Variants in TOPBP1 observed in about 807,000 individuals in gnomAD.
TOPBP1 encodes DNA topoisomerase II binding protein 1, also known as DNA topoisomerase 2-binding protein 1.
Under a neutral mutation model 167.7 loss-of-function variants are expected in TOPBP1, and 28 were observed. The observed-to-expected ratio is 0.17, with a 90% CI of 0.12 to 0.23. The LOEUF (loss-of-function observed/expected upper bound fraction) is 0.23, where lower values mean the gene tolerates loss of function less well. Ranked by LOEUF, TOPBP1 falls within the 10% of genes least tolerant of loss-of-function variation. TOPBP1 has a pLI of 1.00. For synonymous variants in TOPBP1, 598 were observed against 611.4 expected (o/e 0.98, Z 0.32); for missense variants, 1,554 against 1,809.6 (o/e 0.86, Z 2.56).
chr3:133,651,969 AC>A (rs1428839903), intron 8 of TOPBP1, among the ~76,000 whole-genome samples: 1 of 152,150 alleles, frequency 6.6e-6, no homozygotes, highest in Admixed American at 6.6e-5. Context: ...CCTTGTCTCT[AC>A]AAAAAAATTT....
At chr3:133,611,201 AC>A (rs1934664591) in intron 24 of TOPBP1, 60 bp from the exon 25 acceptor site, 1 of 1,506,730 alleles carries the variant, frequency 6.6e-7, no homozygotes. Context: ...TGTGCAACAT[AC>A]AGGGCTCCTC....
intron 14 of TOPBP1, among the ~76,000 whole-genome samples, chr3:133,634,492 G>A (rs192195088): frequency 6.6e-6 from 1 of 152,036 alleles, no homozygotes; most frequent in Non-Finnish European, 1.5e-5. Flanking sequence ...CTGGGTCCTG[G>A]GTGACAGAGC....
At chr3:133,607,908 C>A (rs535982836) in intron 27 of TOPBP1, among the ~76,000 whole-genome samples, 35 of 152,300 alleles carry the variant, frequency 2.3e-4, no homozygotes, top group Non-Finnish European at 2.9e-5. Flanking sequence ...AGCAAAATCA[C>A]AAAGCTGACT....
At chr3:133,604,775 C>T (rs774545344) in intron 27 of TOPBP1, among the ~76,000 whole-genome samples, 1 of 151,762 alleles carries the variant, frequency 6.6e-6, no homozygotes, top group Non-Finnish European at 1.5e-5. Context: ...AAAAATTAGC[C>T]AGGTGTGTTG....
Position 133,655,472 on chromosome 3 carries a change from T to C in TOPBP1, c.560A>G (p.Tyr187Cys), listed in dbSNP as rs568230880. The change falls in exon 6 of 28, where the codon TAT (tyrosine) becomes TGT (cysteine). Residue 187 changes from tyrosine (Y) to cysteine (C), a missense_variant. Physicochemically the swap from Tyr to Cys is radical, Grantham distance 194. Around this residue, in one of 3 missense-constraint regions of TOPBP1, gnomAD observed 1,197 missense variants for 1,351.5 expected, o/e 0.89. Coordinates refer to ENST00000260810, the MANE Select transcript of TOPBP1 (RefSeq NM_007027.4). The stretch of plus-strand genomic sequence containing the variant: ...GAAATCTTCCATGTTTATATCAGTA[T>C]ATCTAGTTATTTTTCTGTGGGAATC... ...EKSQEKKITR[Y>C]TDINMEDFKC... The C allele has an allele frequency of 3.9e-5, 59 of 1,505,992 alleles. No homozygotes were observed. In the South Asian group the frequency reaches 7.6e-4, roughly 19 times the overall value. 93.3% of individuals were successfully genotyped at this position (1,505,992 alleles called of 1,614,324 possible). A position where few individuals can be genotyped will look rare whatever the true frequency, so the allele number is the denominator to read the frequency against.
At chr3:133,611,221 C>CTGT in intron 24 of TOPBP1, 80 bp from the exon 25 acceptor site, 1 of 1,332,900 alleles carries the variant, frequency 7.5e-7, no homozygotes, top group Non-Finnish European at 1.0e-6. Flanking sequence ...TCAAGGAGCC[C>CTGT]AAAGTCTAAT....
In TOPBP1 at chr3:133,603,701, C is replaced by CTTAACATT. The variant is rs1255335642; in HGVS notation, c.4426-2309_4426-2308insAATGTTAA. On this transcript the variant is annotated intron_variant, in intron 27 of 27. Transcript: ENST00000260810. Reference sequence around the variant, plus strand: ...AAGTTTGAAATAAATGGGGTAAAAGCTGACAAAATTAAAGAGAAAAAACAG... The same window carrying CTTAACATT: ...AAGTTTGAAATAAATGGGGTAAAAGCTTAACATTTGACAAAATTAAAGAGAAAAAACAG... Among the ~76,000 whole-genome samples, 84 of 152,058 alleles carry CTTAACATT rather than the reference C, an allele frequency of 5.5e-4. 2 individuals are homozygous for CTTAACATT. Among genetic ancestry groups the CTTAACATT allele is most frequent in the Middle Eastern group, 3.4e-3 (1 of 294 alleles).
rs2107794432 is a variant in TOPBP1, at chr3:133,628,584, T to C, written c.2670A>G (p.Gln890=). Residue 890 remains glutamine (Q), a synonymous_variant, in exon 15 of 28, where the codon CAA becomes CAG. Coordinates refer to ENST00000260810, the MANE Select transcript of TOPBP1 (RefSeq NM_007027.4). ...CCTTCTCTGACTGGGCCTCTTTCAG[T>C]TGAGGGCTGGCAGAAAGAGCGACAG... ...RNAVALSASP[Q]LKEAQSEKEE... is the part of the protein sequence containing the mutation. 4.3e-6 allele frequency: 7 copies of C among 1,611,516 alleles called. No homozygotes were observed. The highest frequency in any genetic ancestry group is 5.9e-6 in the Non-Finnish European group (7 of 1,178,844).
intron 20 of TOPBP1, among the ~76,000 whole-genome samples, chr3:133,619,358 T>C (rs1935009507): frequency 6.6e-6 from 1 of 152,282 alleles, no homozygotes; most frequent in East Asian, 1.9e-4. Flanking sequence ...CCTCATGTAA[T>C]ACAGTTAGCG....
intron 20 of TOPBP1, among the ~76,000 whole-genome samples, chr3:133,618,949 G>A (rs1450200424): frequency 6.6e-6 from 1 of 151,820 alleles, no homozygotes; most frequent in Non-Finnish European, 1.5e-5. Flanking sequence ...CAGAGTCTAC[G>A]GTGGAACAGC....
In TOPBP1 at chr3:133,601,228, G is replaced by A; in HGVS notation, c.*22C>T. On this transcript the variant is annotated 3_prime_UTR_variant, in exon 28 of 28. Coordinates refer to ENST00000260810, the MANE Select transcript of TOPBP1 (RefSeq NM_007027.4). ...CAATTTTTAAAAACATTTAATGTTT[G>A]GTAACTAAAGGGTAGATGCGATTAG... The A allele has an allele frequency of 6.4e-7, 1 of 1,569,518 alleles. No homozygotes were observed. The highest frequency in any genetic ancestry group is 1.4e-5 in the African/African-American group (1 of 71,992).
At chr3:133,660,021 C>T (rs950871853) in intron 2 of TOPBP1, among the ~76,000 whole-genome samples, 6 of 152,084 alleles carry the variant, frequency 3.9e-5, no homozygotes, top group Admixed American at 6.5e-5. Flanking sequence ...TATTCTCTAA[C>T]GCATTCCTTA....
intron 27 of TOPBP1, among the ~76,000 whole-genome samples, chr3:133,605,028 G>A (rs766865937): frequency 2.0e-4 from 30 of 151,660 alleles, no homozygotes; most frequent in Admixed American, 4.6e-4. Context: ...GTGAAACCCC[G>A]TCTCTACCAA....
intron 24 of TOPBP1, among the ~76,000 whole-genome samples, chr3:133,611,367 A>C (rs1934668787): frequency 6.6e-6 from 1 of 152,224 alleles, no homozygotes; most frequent in African/African-American, 2.4e-5. Context: ...GAAATCAGAA[A>C]AATACCACAT....
intron 27 of TOPBP1, among the ~76,000 whole-genome samples, chr3:133,603,692 G>C (rs1390984786): frequency 6.7e-6 from 1 of 148,732 alleles, no homozygotes; most frequent in Non-Finnish European, 1.5e-5. Flanking sequence ...GAAATAAATG[G>C]GGTAAAAGCT....
intron 26 of TOPBP1, 42 bp downstream of exon 26, chr3:133,608,831 A>G: frequency 6.3e-7 from 1 of 1,582,888 alleles, no homozygotes; most frequent in Non-Finnish European, 8.6e-7. Context: ...TGGTTAGATG[A>G]TTATTCATGT....
At chr3:133,657,763 A>G (rs1443746403) in intron 4 of TOPBP1, 35 bp downstream of exon 4, 1 of 1,460,890 alleles carries the variant, frequency 6.8e-7, no homozygotes, top group South Asian at 1.5e-5. Context: ...AGATAGATAT[A>G]TAAATTGATC....
intron 10 of TOPBP1, 101 bp downstream of exon 10, chr3:133,649,282 T>C: frequency 7.0e-7 from 1 of 1,422,688 alleles, no homozygotes; most frequent in Non-Finnish European, 9.3e-7. Context: ...AAAGGTTAAT[T>C]TAACTTAAAA....
chr3:133,616,602 T>G (rs538408844), intron 23 of TOPBP1, among the ~76,000 whole-genome samples: 42 of 152,348 alleles, frequency 2.8e-4, no homozygotes, highest in African/African-American at 9.9e-4. Context: ...AACTGCTAGA[T>G]TCCATTTGAA....
Sources: gnomAD v4.1 joint callset for allele counts (sites outside exome capture counted in the v4.1 genomes callset) on GRCh38, gnomAD v4.1.1 for gene constraint, gnomAD v4.1.1 regional missense constraint, MANE v1.5 for transcripts, NCBI Gene and HGNC (gene_info 2026-07-23, HGNC 2026-07-21) for gene names.